The following MTSS1 variants were observed in gnomAD, a reference collection of about 807,000 sequenced individuals.
The protein encoded by MTSS1 is protein MTSS 1.
MTSS1 carries 18 observed loss-of-function variants against 79.0 expected under a neutral mutation model. That is an observed-to-expected ratio of 0.23 (90% CI 0.16 to 0.34). The LOEUF (loss-of-function observed/expected upper bound fraction) is 0.34. MTSS1 is among the 10% of genes least tolerant of loss of function. MTSS1 has a pLI of 1.00. For missense variants in MTSS1, 815 were observed against 986.2 expected, an observed-to-expected ratio of 0.83 and a Z score of 2.33; for synonymous variants, 341 against 368.6, an observed-to-expected ratio of 0.93 and a Z score of 0.86.
intron 3 of MTSS1, among the ~76,000 whole-genome samples, chr8:124,612,648 GAGAC>G (rs1028031804): frequency 6.6e-6 from 1 of 151,170 alleles, no homozygotes; most frequent in Non-Finnish European, 1.5e-5. Flanking sequence ...GAGAGAAAGA[GAGAC>G]AGAGAGAGAG....
chr8:124,663,618 C>G (rs908564078), intron 3 of MTSS1, among the ~76,000 whole-genome samples: 2 of 152,118 alleles, frequency 1.3e-5, no homozygotes, highest in African/African-American at 2.4e-5. Context: ...TTCTTGGCTC[C>G]CCTGCATATG....
At chr8:124,584,654 G>A (rs973855240) in intron 6 of MTSS1, among the ~76,000 whole-genome samples, 1 of 152,120 alleles carries the variant, frequency 6.6e-6, no homozygotes, top group African/African-American at 2.4e-5. Flanking sequence ...AGCTTCCCCT[G>A]CACCCATTCC....
intron 1 of MTSS1, among the ~76,000 whole-genome samples, chr8:124,707,603 G>A (rs775315464): frequency 2.6e-5 from 4 of 152,060 alleles, no homozygotes; most frequent in Non-Finnish European, 5.9e-5. Context: ...CAGCTACTCG[G>A]GAGGCTGAAG....
In MTSS1 at chr8:124,683,498, G is replaced by C. The variant is rs1277322060; in HGVS notation, c.208+16028C>G. Among the ~76,000 whole-genome samples the C allele has an allele frequency of 6.6e-6, 1 of 152,174 alleles. No individual in the cohort carries two copies. The highest frequency in any genetic ancestry group is 1.5e-5 in the Non-Finnish European group (1 of 68,034). ...GAGTGCCAGCTTCTCTGACACCCTG[G>C]AAAGGAACTCAGAAACACAGGTGTC... On this transcript the variant is annotated intron_variant, in intron 3 of 13. Coordinates refer to ENST00000518547, the MANE Select transcript of MTSS1 (RefSeq NM_014751.6). The surrounding 1 kb of genome is among the most constrained non-coding windows in gnomAD (Gnocchi z 4.5).
Position 124,597,865 on chromosome 8 carries a change from C to T in MTSS1, c.209-6630G>A, listed in dbSNP as rs922750432. 3.9e-5 allele frequency among the ~76,000 whole-genome samples: 6 copies of T among 152,194 alleles called. No homozygotes were observed. The highest frequency in any genetic ancestry group is 1.9e-4 in the East Asian group (1 of 5,186). ...CAGACAGAACCAGAGGAGAGGAGAA[C>T]GCTCTCAGGCATCTCTGCAGGAGAG... On this transcript the variant is annotated intron_variant, in intron 3 of 13. Transcript: ENST00000518547. This position sits in a 1 kb window ranked among gnomAD's most constrained non-coding sequence, Gnocchi z 4.6.
chr8:124,727,667 G>C lies in MTSS1; in HGVS notation c.72+217C>G. 1 of 666,940 alleles carries C rather than the reference G, an allele frequency of 1.5e-6. No homozygotes were observed. Among genetic ancestry groups the C allele is most frequent in the South Asian group, 1.5e-5 (1 of 66,238 alleles). 41.3% of individuals were successfully genotyped at this position (666,940 alleles called of 1,614,324 possible). A position where few individuals can be genotyped will look rare whatever the true frequency, so the allele number is the denominator to read the frequency against. ...TGAGCGGGGGAGATGGCGTGGGACA[G>C]CAGACACCCCCCAGAGAAGCCACCC... On this transcript the variant is annotated intron_variant, in intron 1 of 13. Coordinates refer to ENST00000518547, the MANE Select transcript of MTSS1 (RefSeq NM_014751.6). The surrounding 1 kb of genome is among the most constrained non-coding windows in gnomAD (Gnocchi z 4.7).
chr8:124,715,348 CT>C (rs534691484), intron 1 of MTSS1, among the ~76,000 whole-genome samples: 7 of 151,638 alleles, frequency 4.6e-5, no homozygotes, highest in Middle Eastern at 3.4e-3. Flanking sequence ...TCTCTTTCTT[CT>C]TTTTTTTTAA....
intron 6 of MTSS1, among the ~76,000 whole-genome samples, chr8:124,571,626 CA>C (rs202002321): frequency 0.022 from 3,304 of 152,170 alleles, 56 homozygotes; most frequent in African/African-American, 0.044. Flanking sequence ...TGTGTTTGAC[CA>C]AACTTGCTCG....
intron 3 of MTSS1, among the ~76,000 whole-genome samples, chr8:124,607,507 G>A: frequency 6.6e-6 from 1 of 152,092 alleles, no homozygotes. Flanking sequence ...TCTAACCCCG[G>A]AATAGCAAAC....
chr8:124,705,552 C>T (rs6986014), intron 1 of MTSS1, among the ~76,000 whole-genome samples: 50,231 of 151,920 alleles, frequency 0.33, 9,487 homozygotes, highest in African/African-American at 0.52. Context: ...CAGAACAGAG[C>T]GTAAATGTTA....
intron 5 of MTSS1, among the ~76,000 whole-genome samples, chr8:124,587,219 C>T (rs981373190): frequency 5.9e-5 from 9 of 152,192 alleles, no homozygotes; most frequent in African/African-American, 2.2e-4. Context: ...GAGTCCCTGG[C>T]ATGCAGCAGA....
chr8:124,667,678 C>T (rs543586106), intron 3 of MTSS1, among the ~76,000 whole-genome samples: 19 of 151,898 alleles, frequency 1.3e-4, no homozygotes, highest in Admixed American at 9.8e-4. Context: ...ACAACAACTC[C>T]GGGAGGAGGT....
intron 3 of MTSS1, among the ~76,000 whole-genome samples, chr8:124,660,428 GCATGCACA>G (rs746502268): frequency 0.025 from 2,938 of 115,504 alleles, 39 homozygotes; most frequent in South Asian, 0.11. Flanking sequence ...TTGCCCATGC[GCATGCACA>G]CACACACACA....
Position 124,727,974 on chromosome 8 carries a change from G to T in MTSS1, c.-19C>A, listed in dbSNP as rs1453672228. 4 of 1,607,138 alleles carry T rather than the reference G, an allele frequency of 2.5e-6. No individual in the cohort carries two copies. Among genetic ancestry groups the T allele is most frequent in the African/African-American group, 2.7e-5 (2 of 74,224 alleles). On this transcript the variant is annotated 5_prime_UTR_variant, in exon 1 of 14. Coordinates refer to ENST00000518547, the MANE Select transcript of MTSS1 (RefSeq NM_014751.6). This position sits in a 1 kb window ranked among gnomAD's most constrained non-coding sequence, Gnocchi z 4.7. ...CCTCCATTTTCCCGGCTCCGGCAGG[G>T]CGAGGGCACACACGCGGGGCCGCTG...
At position 124,605,660 on chromosome 8, in the gene MTSS1, A is replaced by G. The variant is rs548020858; in HGVS notation, c.209-14425T>C. 7.8e-5 allele frequency among the ~76,000 whole-genome samples: 11 copies of G among 141,544 alleles called. 1 individual carries two copies. In the South Asian group the frequency reaches 2.6e-3, roughly 34 times the overall value. 92.9% of individuals were successfully genotyped at this position (141,544 alleles called of 152,430 possible). A position where few individuals can be genotyped will look rare whatever the true frequency, so the allele number is the denominator to read the frequency against. On this transcript the variant is annotated intron_variant, in intron 3 of 13. Transcript: ENST00000518547. ...CGCTGGGCTCCCGTTGGAGATCAGA[A>G]CTCCCTGTGATAAACATCTATCCTT...
chr8:124,704,236 T>C, intron 1 of MTSS1, 45 bp from the exon 2 acceptor site: 1 of 1,516,534 alleles, frequency 6.6e-7, no homozygotes, highest in Non-Finnish European at 9.2e-7. Context: ...GCGATAGACA[T>C]CTGATTACTA....
chr8:124,585,339 C>CA (rs1830677183), intron 5 of MTSS1, among the ~76,000 whole-genome samples, 178 bp from the exon 6 acceptor site: 1 of 152,092 alleles, frequency 6.6e-6, no homozygotes, highest in Non-Finnish European at 1.5e-5. Context: ...GGGCTAGAGA[C>CA]ACGAAAACAA....
chr8:124,589,854 G>A (rs1235855878), intron 4 of MTSS1, 143 bp from the exon 5 acceptor site: 3 of 633,664 alleles, frequency 4.7e-6, no homozygotes, highest in Admixed American at 6.0e-5. Flanking sequence ...GAACAGCCAT[G>A]TTCCAAGAAT....
intron 3 of MTSS1, among the ~76,000 whole-genome samples, chr8:124,664,352 A>T (rs1306144803): frequency 1.3e-5 from 2 of 152,178 alleles, no homozygotes. Context: ...CTCCTCTACC[A>T]CAGTGCCAGA....
Sources: allele counts gnomAD v4.1 joint callset (sites outside exome capture counted in the v4.1 genomes callset), GRCh38; gene constraint gnomAD v4.1.1; non-coding constraint Gnocchi (gnomAD v3.1); transcripts MANE v1.5; gene names NCBI Gene and HGNC (gene_info 2026-07-23, HGNC 2026-07-21).